GPSM1: variants seen among roughly 807,000 people sequenced by gnomAD.
GPSM1 encodes the protein G protein-signaling modulator 1.
GPSM1 carries 48 observed loss-of-function variants against 70.5 expected under a neutral mutation model. The ratio of observed to expected loss-of-function variants is 0.68; its 90% confidence interval spans 0.54 to 0.87. GPSM1 has a LOEUF of 0.87. GPSM1 is among the 40% of genes least tolerant of loss of function. The pLI, the probability that GPSM1 is intolerant of heterozygous loss-of-function variation, is 0.00. For missense variants in GPSM1, 981 were observed against 972.6 expected (o/e 1.01, Z -0.11); for synonymous variants, 416 against 430.1 (o/e 0.97, Z 0.41).
In GPSM1 at chr9:136,348,698, G is replaced by C. The variant is rs1832584439; in HGVS notation, c.1209G>C (p.Gly403=). The change falls in exon 10 of 14, where the codon GGG becomes GGC. Residue 403 remains glycine, a splice_region_variant and synonymous_variant. Coordinates refer to ENST00000440944, the MANE Select transcript of GPSM1 (RefSeq NM_001145638.3). ...KPDLAGYEAQ[G]ARPKRTQRLS... ...CTGACCGGGTCCCTCTGTCTTCAGGGGCCAGACCCAAGAGGACGCAGAGGC... is the reference window on the plus strand; with the variant it reads ...CTGACCGGGTCCCTCTGTCTTCAGGCGCCAGACCCAAGAGGACGCAGAGGC... The C allele has an allele frequency of 2.5e-6, 4 of 1,610,926 alleles. No individual in the cohort carries two copies. The highest frequency in any genetic ancestry group is 3.4e-6 in the Non-Finnish European group (4 of 1,178,912).
chr9:136,344,221 G>A (rs1411901796), intron 9 of GPSM1, among the ~76,000 whole-genome samples: 3 of 144,216 alleles, frequency 2.1e-5, no homozygotes, highest in Admixed American at 6.9e-5. Flanking sequence ...GGGTGGGGGC[G>A]CGGACAGAAG....
In GPSM1 at chr9:136,336,969, A is replaced by C. The variant is rs1554769344; in HGVS notation, c.475A>C (p.Lys159Gln). The C allele has an allele frequency of 6.4e-7, 1 of 1,556,986 alleles. No individual in the cohort carries two copies. Among genetic ancestry groups the C allele is most frequent in the South Asian group, 1.2e-5 (1 of 84,458 alleles). The change falls in exon 4 of 14, where the codon AAA (lysine) becomes CAA (glutamine). Residue 159 changes from lysine to glutamine, a missense_variant. Lys to Gln is a moderately conservative substitution (Grantham distance 53). Coordinates refer to ENST00000440944, the MANE Select transcript of GPSM1 (RefSeq NM_001145638.3). ...CAACATCGGGAACGTGTACCACGCCAAAGGCAAGCAACTGTCCTGGAACGC... is the reference window on the plus strand; with the variant it reads ...CAACATCGGGAACGTGTACCACGCCCAAGGCAAGCAACTGTCCTGGAACGC... ...LYNIGNVYHA[K>Q]GKQLSWNAAN...
At chr9:136,331,226 C>G (rs1359695252) in intron 1 of GPSM1, among the ~76,000 whole-genome samples, 1 of 152,180 alleles carries the variant, frequency 6.6e-6, no homozygotes, top group Non-Finnish European at 1.5e-5. Flanking sequence ...AGCCCCACGA[C>G]CTGGGGAGCG....
chr9:136,328,061 C>T (rs553278663), intron 1 of GPSM1, among the ~76,000 whole-genome samples: 1 of 152,246 alleles, frequency 6.6e-6, no homozygotes, highest in Non-Finnish European at 1.5e-5. Context: ...CCGTGGGGTG[C>T]TTCCCTCCCA....
chr9:136,337,890 G>A lies in GPSM1; in HGVS notation c.747G>A (p.Arg249=). The change falls in exon 6 of 14, where the codon AGG becomes AGA. Residue 249 remains arginine, a synonymous_variant. Transcript: ENST00000440944. ...AGTTTGGAGACAAGGCAGCCGAGAG[G>A]AGGGCCTACAGCAACCTGGGGAACG... ...AKEFGDKAAE[R]RAYSNLGNAH... The A allele has an allele frequency of 2.5e-6, 4 of 1,612,280 alleles. No homozygotes were observed. The highest frequency in any genetic ancestry group is 1.7e-5 in the Admixed American group (1 of 59,964).
intron 11 of GPSM1, among the ~76,000 whole-genome samples, chr9:136,354,410 G>C (rs1414158861): frequency 6.6e-6 from 1 of 152,196 alleles, no homozygotes; most frequent in Admixed American, 6.5e-5. Context: ...CTGGGCTGTG[G>C]GGGTCAGGTA....
At chr9:136,330,250 AC>A (rs1260510742) in intron 1 of GPSM1, among the ~76,000 whole-genome samples, 1 of 151,916 alleles carries the variant, frequency 6.6e-6, no homozygotes, top group Non-Finnish European at 1.5e-5. Flanking sequence ...CCTTGGGGTG[AC>A]CCTGTTAGAG....
rs535371217 is a variant in GPSM1 at position 136,359,305 on chromosome 9, C to T, written c.*1085C>T. The T allele has an allele frequency of 3.0e-4, 45 of 152,336 alleles. 1 individual carries two copies. The highest frequency in any genetic ancestry group is 1.0e-3 in the African/African-American group (43 of 41,562). 9.4% of individuals were successfully genotyped at this position (152,336 alleles called of 1,614,324 possible). The stretch of plus-strand genomic sequence containing the variant: ...AAGGGCCCTACCATGGCCCCACAGC[C>T]CCCAGGGCTGGCAGTTCCATCTAGG... On this transcript the variant is annotated 3_prime_UTR_variant, in exon 14 of 14. Coordinates refer to ENST00000440944, the MANE Select transcript of GPSM1 (RefSeq NM_001145638.3).
intron 12 of GPSM1, 93 bp from the exon 13 acceptor site, chr9:136,356,249 G>A: frequency 5.1e-6 from 5 of 977,350 alleles, no homozygotes; most frequent in Non-Finnish European, 7.3e-6. Context: ...GGGCTGGGCT[G>A]GGCTCAGAGG....
At chr9:136,333,331 C>T (rs1373112440) in intron 1 of GPSM1, among the ~76,000 whole-genome samples, 1 of 152,134 alleles carries the variant, frequency 6.6e-6, no homozygotes, top group Non-Finnish European at 1.5e-5. Context: ...AGCCTGAGGC[C>T]CATGTGACCT....
intron 2 of GPSM1, among the ~76,000 whole-genome samples, 188 bp from the exon 3 acceptor site, chr9:136,335,778 G>A (rs1832217714): frequency 6.6e-6 from 1 of 152,182 alleles, no homozygotes; most frequent in African/African-American, 2.4e-5. Context: ...CCATACCCAG[G>A]GCTGCCCTCG....
chr9:136,342,128 G>A lies in GPSM1; in HGVS notation c.1207+1135G>A, dbSNP rs1554770418. 6.6e-6 allele frequency among the ~76,000 whole-genome samples: 1 copy of A among 151,716 alleles called. No homozygotes were observed. Among genetic ancestry groups the A allele is most frequent in the Non-Finnish European group, 1.5e-5 (1 of 67,906 alleles). On this transcript the variant is annotated intron_variant, in intron 9 of 13. Transcript: ENST00000440944. The surrounding 1 kb of genome is among the most constrained non-coding windows in gnomAD (Gnocchi z 5.5). Reference sequence around the variant, plus strand: ...GTGACCGATGGCAGTGGGTGGGTAGGGGATGGGCTGGAATGTGCCCCCCAG... The same window carrying A: ...GTGACCGATGGCAGTGGGTGGGTAGAGGATGGGCTGGAATGTGCCCCCCAG...
intron 11 of GPSM1, chr9:136,354,760 C>T (rs1339436263): frequency 1.3e-5 from 12 of 923,118 alleles, no homozygotes; most frequent in Non-Finnish European, 1.6e-5. Context: ...AGGCCCAGGG[C>T]GGGGTTCATT....
chr9:136,354,914 C>T, intron 11 of GPSM1: 1 of 1,022,190 alleles, frequency 9.8e-7, no homozygotes, highest in Non-Finnish European at 1.2e-6. Flanking sequence ...GGGAAGTGTT[C>T]CAGGCCAAGG....
rs146691083 is a variant in GPSM1 at position 136,337,483 on chromosome 9, G to T, written c.621G>T (p.Ala207=). ...TGAAGGAGCTGGGCGACCGTGCGGC[G>T]CAGGGCAGGGCCTACGGCAACCTGG... ...SLVKELGDRA[A]QGRAYGNLGN... The change falls in exon 5 of 14, where the codon GCG becomes GCT. Residue 207 remains alanine, a synonymous_variant. Transcript: ENST00000440944. The T allele has an allele frequency of 2.4e-5, 37 of 1,566,346 alleles. No homozygotes were observed. The highest frequency in any genetic ancestry group is 5.8e-5 in the Admixed American group (3 of 52,008).
At chr9:136,345,318 G>T (rs563392545) in intron 9 of GPSM1, among the ~76,000 whole-genome samples, 2 of 152,196 alleles carry the variant, frequency 1.3e-5, no homozygotes, top group Admixed American at 1.3e-4. Context: ...CGTTGCCCTC[G>T]CAGGCGGGAG....
chr9:136,334,825 G>A (rs1205078730), intron 2 of GPSM1, among the ~76,000 whole-genome samples, 157 bp downstream of exon 2: 3 of 151,040 alleles, frequency 2.0e-5, no homozygotes, highest in African/African-American at 4.8e-5. Flanking sequence ...CTGCTGGCGG[G>A]TGAGTGGGGA....
At chr9:136,328,446 C>T (rs74889511) in intron 1 of GPSM1, among the ~76,000 whole-genome samples, 4,847 of 152,294 alleles carry the variant, frequency 0.032, 233 homozygotes, top group African/African-American at 0.1. Flanking sequence ...GCCACACGAG[C>T]GTGAGGTCCA....
At chr9:136,351,313 G>C (rs1832656742) in intron 11 of GPSM1, among the ~76,000 whole-genome samples, 1 of 151,956 alleles carries the variant, frequency 6.6e-6, no homozygotes, top group African/African-American at 2.4e-5. Context: ...CCTTCCCGGG[G>C]GTCCCGGTGA....
Sources: gnomAD v4.1 joint callset for allele counts (sites outside exome capture counted in the v4.1 genomes callset) on GRCh38, gnomAD v4.1.1 for gene constraint, Gnocchi (gnomAD v3.1) non-coding constraint, MANE v1.5 for transcripts, NCBI Gene and HGNC (gene_info 2026-07-23, HGNC 2026-07-21) for gene names.